Variants in DCAF17 observed in about 807,000 individuals in gnomAD.
The protein encoded by DCAF17 is DDB1- and CUL4-associated factor 17.
In DCAF17, 48 loss-of-function variants were observed where a neutral mutation model predicts 66.0. That is an observed-to-expected ratio of 0.73 (90% CI 0.58 to 0.92). The LOEUF (loss-of-function observed/expected upper bound fraction) is 0.92. DCAF17 is among the 40% of genes least tolerant of loss of function. DCAF17 has a pLI of 0.00. For synonymous variants in DCAF17, 206 were observed against 214.6 expected (o/e 0.96, Z 0.35); for missense variants, 562 against 622.8 (o/e 0.90, Z 1.04).
At chr2:171,437,706 A>G (rs896869909) in intron 2 of DCAF17, among the ~76,000 whole-genome samples, 1 of 152,204 alleles carries the variant, frequency 6.6e-6, no homozygotes, top group Admixed American at 6.5e-5. Flanking sequence ...GCCTAGACTT[A>G]TTCATAATAT....
Position 171,434,313 on chromosome 2 carries a change from G to T in DCAF17, c.-265G>T. On this transcript the variant is annotated 5_prime_UTR_variant, in exon 1 of 14. Transcript: ENST00000375255. ...GCCGGCCGCGCGGTACCGGAGCGTC[G>T]CACTGTCAGCGGCCAGAGAGCCTGG... The T allele has an allele frequency of 1.6e-6, 1 of 636,008 alleles. No individual in the cohort carries two copies. Among genetic ancestry groups the T allele is most frequent in the East Asian group, 3.4e-5 (1 of 29,114 alleles). The allele number at this position is 636,008 out of a possible 1,614,324, so 39.4% of individuals were successfully genotyped here.
At chr2:171,455,732 T>A (rs910512950) in intron 6 of DCAF17, among the ~76,000 whole-genome samples, 1 of 152,216 alleles carries the variant, frequency 6.6e-6, no homozygotes, top group Non-Finnish European at 1.5e-5. Context: ...GGTACCTCAT[T>A]GTGGTTTTGA....
chr2:171,469,393 C>T (rs1696109779), intron 9 of DCAF17, among the ~76,000 whole-genome samples: 2 of 152,126 alleles, frequency 1.3e-5, no homozygotes, highest in South Asian at 4.1e-4. Flanking sequence ...TCTGCTTCTC[C>T]ACGGCTTGTT....
rs1453780784 is a variant in DCAF17 at position 171,483,239 on chromosome 2, C to A, written c.*2125C>A. On this transcript the variant is annotated 3_prime_UTR_variant, in exon 14 of 14. Coordinates refer to ENST00000375255, the MANE Select transcript of DCAF17 (RefSeq NM_025000.4). ...CAGACATTAATGTCTTCCTGCCCTA[C>A]CTAAACCCCCTCTTTACCTGATATT... 6.6e-6 allele frequency: 3 copies of A among 453,994 alleles called. No homozygotes were observed. Among genetic ancestry groups the A allele is most frequent in the South Asian group, 1.6e-5 (1 of 64,484 alleles). 28.1% of individuals were successfully genotyped at this position (453,994 alleles called of 1,614,324 possible). A position where few individuals can be genotyped will look rare whatever the true frequency, so the allele number is the denominator to read the frequency against.
Position 171,468,918 on chromosome 2 carries a change from C to G in DCAF17, c.869C>G (p.Ser290Cys), listed in dbSNP as rs375662120. 83 of 1,613,974 alleles carry G rather than the reference C, an allele frequency of 5.1e-5. 1 individual carries two copies. The highest frequency in any genetic ancestry group is 4.8e-5 in the Non-Finnish European group (57 of 1,179,988). The change falls in exon 9 of 14, where the codon TCC becomes TGC. Residue 290 changes from serine to cysteine, a missense_variant. Around this residue, in one of 3 missense-constraint regions of DCAF17, gnomAD observed 348 missense variants for 355.9 expected, o/e 0.98. Transcript: ENST00000375255. ...DMPPLLFEVS[S>C]LENAFQIGGH... Reference sequence around the variant, plus strand: ...CCACCACTGCTCTTTGAGGTGTCATCCCTGGAGAATGCTTTTCAGATTGGA... The same window carrying G: ...CCACCACTGCTCTTTGAGGTGTCATGCCTGGAGAATGCTTTTCAGATTGGA...
intron 3 of DCAF17, chr2:171,447,361 T>C (rs942864722): frequency 1.7e-5 from 6 of 363,438 alleles, no homozygotes; most frequent in Admixed American, 1.0e-4. Context: ...CTTTACTTTC[T>C]TTCTTTCTTT....
At position 171,476,910 on chromosome 2, in the gene DCAF17, C is replaced by T. The variant is rs1209033079; in HGVS notation, c.1142C>T (p.Ser381Phe). Residue 381 changes from serine (S) to phenylalanine (F), a missense_variant, in exon 11 of 14, where the codon TCT becomes TTT. Coordinates refer to ENST00000375255, the MANE Select transcript of DCAF17 (RefSeq NM_025000.4). Reference protein sequence around the residue: ...IENNSSQHQISEDFVILANRE... With the variant: ...IENNSSQHQIFEDFVILANRE... ...AATAATAGTTCTCAGCATCAGATCT[C>T]TGAAGATTTTGTCATTTTGGCCAAC... 3 of 1,613,768 alleles carry T rather than the reference C, an allele frequency of 1.9e-6. No individual in the cohort carries two copies. In the South Asian group the frequency reaches 3.3e-5, roughly 18 times the overall value.
At chr2:171,463,372 G>A (rs1342692068) in intron 8 of DCAF17, among the ~76,000 whole-genome samples, 3 of 150,972 alleles carry the variant, frequency 2.0e-5, no homozygotes, top group Non-Finnish European at 4.4e-5. Context: ...ATTGTGTAAA[G>A]TATTCATACT....
intron 8 of DCAF17, among the ~76,000 whole-genome samples, chr2:171,464,189 T>C (rs1186483684): frequency 1.3e-5 from 2 of 152,226 alleles, no homozygotes; most frequent in African/African-American, 4.8e-5. Flanking sequence ...GCCATTTTAT[T>C]AGAGAACGTC....
At chr2:171,473,440 A>G (rs1559288944) in intron 9 of DCAF17, among the ~76,000 whole-genome samples, 1 of 152,170 alleles carries the variant, frequency 6.6e-6, no homozygotes, top group Non-Finnish European at 1.5e-5. Flanking sequence ...CTCTATCTCT[A>G]TTTAAAAAAA....
intron 8 of DCAF17, among the ~76,000 whole-genome samples, chr2:171,463,225 A>T (rs566356306): frequency 0.036 from 5,169 of 143,802 alleles, 299 homozygotes; most frequent in African/African-American, 0.12. Context: ...GCGAGATTTT[A>T]AAAAAAAAAA....
intron 2 of DCAF17, among the ~76,000 whole-genome samples, chr2:171,441,603 G>A (rs1694311070): frequency 6.6e-6 from 1 of 152,150 alleles, no homozygotes; most frequent in Non-Finnish European, 1.5e-5. Flanking sequence ...CCCCTCCTAG[G>A]AAGATAGCTC....
chr2:171,460,107 G>A (rs918074113), intron 8 of DCAF17, among the ~76,000 whole-genome samples: 4 of 151,758 alleles, frequency 2.6e-5, no homozygotes, highest in African/African-American at 9.7e-5. Flanking sequence ...GGTGGATCAC[G>A]AGGTCAGGAG....
chr2:171,474,598 T>C (rs931849475), intron 10 of DCAF17, among the ~76,000 whole-genome samples: 7 of 152,212 alleles, frequency 4.6e-5, no homozygotes, highest in African/African-American at 1.7e-4. Context: ...TTCCTTTGGC[T>C]TCAAGATCAT....
At chr2:171,464,165 A>G (rs1695756775) in intron 8 of DCAF17, among the ~76,000 whole-genome samples, 1 of 152,108 alleles carries the variant, frequency 6.6e-6, no homozygotes, top group South Asian at 2.1e-4. Context: ...TAACTTTCCT[A>G]TTTCTGATAG....
intron 3 of DCAF17, chr2:171,447,416 A>G (rs1694693339): frequency 3.0e-6 from 1 of 331,254 alleles, no homozygotes; most frequent in South Asian, 2.2e-5. Flanking sequence ...GCTGGAGTGC[A>G]GTGGCACGAT....
At chr2:171,448,913 A>T in intron 4 of DCAF17, 96 bp downstream of exon 4, 1 of 1,119,242 alleles carries the variant, frequency 8.9e-7, no homozygotes, top group Non-Finnish European at 1.3e-6. Flanking sequence ...TCAGTTTTCT[A>T]ATCCATTACC....
intron 8 of DCAF17, among the ~76,000 whole-genome samples, chr2:171,465,649 G>T (rs1398717034): frequency 1.3e-5 from 2 of 151,566 alleles, no homozygotes; most frequent in Admixed American, 1.3e-4. Context: ...CTGGCTAATT[G>T]TTTTTTTGTA....
intron 12 of DCAF17, 182 bp from the exon 13 acceptor site, chr2:171,479,856 G>T: frequency 1.6e-6 from 1 of 631,754 alleles, no homozygotes; most frequent in Non-Finnish European, 2.7e-6. Context: ...TGAAAATCTT[G>T]GAGCTGATGT....
Sources: gnomAD v4.1 joint callset for allele counts (sites outside exome capture counted in the v4.1 genomes callset) on GRCh38, gnomAD v4.1.1 for gene constraint, gnomAD v4.1.1 regional missense constraint, MANE v1.5 for transcripts, NCBI Gene and HGNC (gene_info 2026-07-23, HGNC 2026-07-21) for gene names.